GLCE: variants seen among roughly 807,000 people sequenced by gnomAD.
GLCE encodes the protein D-glucuronyl C5-epimerase.
GLCE carries 19 observed loss-of-function variants against 47.9 expected under a neutral mutation model. The ratio of observed to expected loss-of-function variants is 0.40; its 90% CI spans 0.28 to 0.58. The LOEUF is 0.58. GLCE is among the 20% of genes least tolerant of loss of function. The pLI, the probability that GLCE is intolerant of heterozygous loss-of-function variation, is 0.48. For synonymous variants in GLCE, 245 were observed against 263.4 expected (o/e 0.93, Z 0.68); for missense variants, 556 against 743.3 (o/e 0.75, Z 2.93).
chr15:69,237,559 C>T (rs530795347), intron 2 of GLCE, among the ~76,000 whole-genome samples: 2 of 152,078 alleles, frequency 1.3e-5, no homozygotes, highest in East Asian at 3.9e-4. Context: ...GAATGTGCCA[C>T]TGCACTCCAG....
chr15:69,202,464 G>A (rs534110883), intron 1 of GLCE, among the ~76,000 whole-genome samples: 1 of 152,058 alleles, frequency 6.6e-6, no homozygotes, highest in Non-Finnish European at 1.5e-5. Context: ...TCTCTCTTGT[G>A]CTCCCACTGT....
chr15:69,221,642 C>A (rs1226659285), intron 2 of GLCE, among the ~76,000 whole-genome samples: 4 of 151,954 alleles, frequency 2.6e-5, no homozygotes, highest in Admixed American at 6.5e-5. Context: ...GTAGGTGGAT[C>A]ACCTGAGGTC....
intron 1 of GLCE, among the ~76,000 whole-genome samples, chr15:69,166,748 C>T (rs959704992): frequency 2.0e-5 from 3 of 151,268 alleles, no homozygotes; most frequent in African/African-American, 7.3e-5. Context: ...GGTGAAACCC[C>T]GTCTCTACTA....
chr15:69,189,395 A>G (rs182546820), intron 1 of GLCE, among the ~76,000 whole-genome samples: 11 of 152,304 alleles, frequency 7.2e-5, no homozygotes, highest in Admixed American at 6.5e-4. Context: ...TTAGCGCTGA[A>G]TCATATTCCA....
intron 1 of GLCE, among the ~76,000 whole-genome samples, chr15:69,182,298 T>TGAGA (rs1032863178): frequency 1.4e-4 from 20 of 145,712 alleles, no homozygotes; most frequent in Non-Finnish European, 2.3e-4. Flanking sequence ...TGTGTGTGTG[T>TGAGA]GAGAGAGAGA....
chr15:69,264,836 G>A (rs1409754725), intron 4 of GLCE, among the ~76,000 whole-genome samples: 1 of 151,896 alleles, frequency 6.6e-6, no homozygotes, highest in South Asian at 2.1e-4. Flanking sequence ...GGCCACTCGT[G>A]TCTTCTTTGA....
Position 69,255,930 on chromosome 15 carries a change from C to T in GLCE, c.124C>T (p.Arg42Cys), listed in dbSNP as rs2052915091. The T allele has an allele frequency of 4.3e-6, 7 of 1,613,840 alleles. No homozygotes were observed. Among genetic ancestry groups the T allele is most frequent in the East Asian group, 4.5e-5 (2 of 44,880 alleles). Residue 42 changes from arginine (R) to cysteine (C), a missense_variant, in exon 3 of 5, where the codon CGT becomes TGT. By Grantham distance (180) the Arg-to-Cys change is radical (BLOSUM62 -3). Transcript: ENST00000261858. The stretch of plus-strand genomic sequence containing the variant: ...TGACAAAGCAATCCAGTTTCCACGG[C>T]GTTCGAGTAGTGGCTTCAGAGTGGA... ...SSDKAIQFPR[R>C]SSSGFRVDGF...
intron 1 of GLCE, among the ~76,000 whole-genome samples, chr15:69,175,937 T>C (rs974315729): frequency 6.6e-6 from 1 of 152,176 alleles, no homozygotes; most frequent in Non-Finnish European, 1.5e-5. Flanking sequence ...TTAGAACCCT[T>C]GAGCAGGAAA....
intron 4 of GLCE, 80 bp from the exon 5 acceptor site, chr15:69,268,140 A>C: frequency 1.2e-6 from 1 of 830,216 alleles, no homozygotes; most frequent in Non-Finnish European, 1.9e-6. Context: ...CAGGGTTTTC[A>C]AGGATGAATT....
Position 69,269,656 on chromosome 15 carries a change from T to A in GLCE, c.*412T>A, listed in dbSNP as rs2053138674. ...TTATATTTATGTTGAAAGCGGACTT[T>A]AAAAAAAATAATGTGCTGTAACACA... On this transcript the variant is annotated 3_prime_UTR_variant, in exon 5 of 5. Transcript: ENST00000261858. The A allele has an allele frequency of 1.2e-5, 2 of 160,752 alleles. No individual in the cohort carries two copies. Among genetic ancestry groups the A allele is most frequent in the East Asian group, 1.8e-4 (1 of 5,520 alleles). 10.0% of individuals were successfully genotyped at this position (160,752 alleles called of 1,614,324 possible). A position where few individuals can be genotyped will look rare whatever the true frequency, so the allele number is the denominator to read the frequency against.
Position 69,269,003 on chromosome 15 carries a change from A to G in GLCE, c.1613A>G (p.Tyr538Cys), listed in dbSNP as rs936411625. Residue 538 changes from tyrosine to cysteine, a missense_variant, in exon 5 of 5, where the codon TAT becomes TGT. Around this residue, in one of 3 missense-constraint regions of GLCE, gnomAD observed 245 missense variants for 368.1 expected, o/e 0.67. Transcript: ENST00000261858. ...CTCGGAAAAGAAGCAAGGTCCTTGT[A>G]TGAGCGTGGCATGGAATCTCTTAAA... Reference protein sequence around the residue: ...EKLGKEARSLYERGMESLKAM... With the variant: ...EKLGKEARSLCERGMESLKAM... The G allele has an allele frequency of 1.8e-5, 29 of 1,614,094 alleles. No individual in the cohort carries two copies. The highest frequency in any genetic ancestry group is 2.4e-5 in the Non-Finnish European group (28 of 1,180,038).
intron 1 of GLCE, among the ~76,000 whole-genome samples, chr15:69,203,388 A>G (rs1210124198): frequency 6.6e-6 from 1 of 152,128 alleles, no homozygotes; most frequent in Non-Finnish European, 1.5e-5. Context: ...AACTTTTGAC[A>G]GGTGCAGTGC....
intron 2 of GLCE, among the ~76,000 whole-genome samples, chr15:69,212,533 A>G (rs887087005): frequency 3.3e-5 from 5 of 152,068 alleles, no homozygotes; most frequent in African/African-American, 1.2e-4. Context: ...AGACAGGCAT[A>G]GGATTTTTTC....
At chr15:69,165,647 A>G (rs2140322915) in intron 1 of GLCE, among the ~76,000 whole-genome samples, 1 of 149,162 alleles carries the variant, frequency 6.7e-6, no homozygotes, top group Middle Eastern at 3.6e-3. Context: ...ATGTTCATTC[A>G]TTCTCTTGTG....
chr15:69,268,620 T>A lies in GLCE; in HGVS notation c.1230T>A (p.Asp410Glu), dbSNP rs1411759251. 1 of 1,614,210 alleles carries A rather than the reference T, an allele frequency of 6.2e-7. No individual in the cohort carries two copies. The highest frequency in any genetic ancestry group is 8.5e-7 in the Non-Finnish European group (1 of 1,180,026). The stretch of plus-strand genomic sequence containing the variant: ...TGGCTGCATTTTTTGCTGCTAGTGA[T>A]TGGCTAGTAAGGAACCAGGATGAGA... Reference protein sequence around the residue: ...AHMAAFFAASDWLVRNQDEKG... With the variant: ...AHMAAFFAASEWLVRNQDEKG... Residue 410 changes from aspartate (D) to glutamate (E), a missense_variant, in exon 5 of 5, where the codon GAT becomes GAA. Physicochemically the swap from Asp to Glu is conservative, Grantham distance 45 (BLOSUM62 2). This residue lies in a region of GLCE where 245 missense variants were observed against 368.1 expected (regional missense o/e 0.67). Transcript: ENST00000261858.
chr15:69,198,723 T>C (rs1048235235), intron 1 of GLCE, among the ~76,000 whole-genome samples: 16 of 152,294 alleles, frequency 1.1e-4, no homozygotes, highest in Admixed American at 5.2e-4. Flanking sequence ...CCATATTTTC[T>C]TTATTTTTTA....
At chr15:69,179,584 A>G (rs899962301) in intron 1 of GLCE, among the ~76,000 whole-genome samples, 1 of 152,240 alleles carries the variant, frequency 6.6e-6, no homozygotes, top group Admixed American at 6.5e-5. Flanking sequence ...CCATCCCTAT[A>G]TAGTCATATC....
intron 1 of GLCE, among the ~76,000 whole-genome samples, chr15:69,184,601 A>G (rs1041928842): frequency 1.3e-5 from 2 of 152,214 alleles, no homozygotes; most frequent in African/African-American, 4.8e-5. Flanking sequence ...TTTCAACTTT[A>G]GATATCAGAA....
intron 2 of GLCE, among the ~76,000 whole-genome samples, chr15:69,239,766 G>C (rs2052641618): frequency 6.6e-6 from 1 of 152,022 alleles, no homozygotes; most frequent in Non-Finnish European, 1.5e-5. Flanking sequence ...GGGGACTAGG[G>C]AGCCAATTCA....
Sources: allele counts gnomAD v4.1 joint callset (sites outside exome capture counted in the v4.1 genomes callset), GRCh38; gene constraint gnomAD v4.1.1; regional missense constraint gnomAD v4.1.1; transcripts MANE v1.5; gene names NCBI Gene and HGNC (gene_info 2026-07-23, HGNC 2026-07-21).